The following MAP4K3 variants were observed in gnomAD, a reference collection of about 807,000 sequenced individuals.
MAP4K3 encodes the protein mitogen-activated protein kinase kinase kinase kinase 3.
A neutral mutation model predicts 143.5 loss-of-function variants in MAP4K3; 94 were observed. The observed-to-expected ratio is 0.65, with a 90% CI of 0.55 to 0.78. The LOEUF (loss-of-function observed/expected upper bound fraction) is 0.78, where lower values mean the gene tolerates loss of function less well. MAP4K3 is among the 30% of genes least tolerant of loss of function. The pLI is 0.00. For missense variants in MAP4K3, 1,077 were observed against 1,068.1 expected, an observed-to-expected ratio of 1.01 and a Z score of -0.12; for synonymous variants, 416 against 347.2, an observed-to-expected ratio of 1.20 and a Z score of -2.20.
Position 39,412,365 on chromosome 2 carries a change from G to C in MAP4K3, c.96+24527C>G, listed in dbSNP as rs1453417773. ...AAATATTTACTGACCTTCTATTGTA[G>C]TCCATCTATTACACTAGAAGCTGGA... On this transcript the variant is annotated intron_variant, in intron 1 of 33. Transcript: ENST00000263881. Among the ~76,000 whole-genome samples, 4 of 152,060 alleles carry C rather than the reference G, an allele frequency of 2.6e-5. No individual in the cohort carries two copies. In the East Asian group the frequency reaches 7.7e-4, roughly 29 times the overall value.
intron 15 of MAP4K3, among the ~76,000 whole-genome samples, chr2:39,301,865 A>G (rs1268576153): frequency 6.6e-6 from 1 of 152,056 alleles, no homozygotes; most frequent in Admixed American, 6.5e-5. Context: ...TCTACTAAAA[A>G]TACAAAAGAT....
At chr2:39,272,618 A>C in intron 24 of MAP4K3, 76 bp from the exon 25 acceptor site, 1 of 1,148,660 alleles carries the variant, frequency 8.7e-7, no homozygotes, top group Non-Finnish European at 1.3e-6. Context: ...GTAATCACGT[A>C]AGCTGTCTTA....
chr2:39,312,082 A>G (rs1231658827), intron 13 of MAP4K3, among the ~76,000 whole-genome samples: 1 of 152,182 alleles, frequency 6.6e-6, no homozygotes, highest in African/African-American at 2.4e-5. Context: ...ATGGGAGTTG[A>G]TTTAAAAAAT....
chr2:39,265,575 G>A (rs145395017), intron 27 of MAP4K3, among the ~76,000 whole-genome samples: 87 of 152,244 alleles, frequency 5.7e-4, no homozygotes, highest in Admixed American at 3.7e-3. Flanking sequence ...GTAAGAGGAA[G>A]GACTTTTCGT....
At chr2:39,417,482 T>C (rs1667417537) in intron 1 of MAP4K3, among the ~76,000 whole-genome samples, 1 of 152,036 alleles carries the variant, frequency 6.6e-6, no homozygotes, top group African/African-American at 2.4e-5. Flanking sequence ...TCTCCCAAAG[T>C]GCTGGGATTA....
intron 31 of MAP4K3, among the ~76,000 whole-genome samples, chr2:39,257,227 C>A (rs1373595142): frequency 6.6e-6 from 1 of 152,114 alleles, no homozygotes; most frequent in African/African-American, 2.4e-5. Context: ...ATTCATTTTC[C>A]CAGCACTATC....
At chr2:39,406,066 A>G (rs1389891640) in intron 1 of MAP4K3, among the ~76,000 whole-genome samples, 2 of 152,086 alleles carry the variant, frequency 1.3e-5, no homozygotes, top group African/African-American at 2.4e-5. Flanking sequence ...AGAATCAAGC[A>G]GAAATTCTGC....
At chr2:39,260,919 G>A in intron 28 of MAP4K3, 142 bp from the exon 29 acceptor site, 1 of 598,600 alleles carries the variant, frequency 1.7e-6, no homozygotes, top group South Asian at 2.3e-5. Context: ...CTAAATTATG[G>A]ACTCTCTTTT....
chr2:39,290,084 CAAAAAA>C (rs57058905), intron 19 of MAP4K3, among the ~76,000 whole-genome samples: 4 of 111,944 alleles, frequency 3.6e-5, no homozygotes, highest in African/African-American at 1.1e-4. Flanking sequence ...GAGACTGTCT[CAAAAAA>C]AAAAAAAAAA....
chr2:39,413,315 C>CATTT (rs1558342809), intron 1 of MAP4K3, among the ~76,000 whole-genome samples: 1 of 152,102 alleles, frequency 6.6e-6, no homozygotes, highest in African/African-American at 2.4e-5. Flanking sequence ...GAATCACACA[C>CATTT]ATTTACCTAA....
rs116541128 is a variant in MAP4K3, at chr2:39,305,809, G to A, written c.1119+2134C>T. On this transcript the variant is annotated intron_variant, in intron 15 of 33. Coordinates refer to ENST00000263881, the MANE Select transcript of MAP4K3 (RefSeq NM_003618.4). Reference sequence around the variant, plus strand: ...AGTTACTAGGCTAGTTCCACATGTGGCACAGAAAAGAGTATTTGTAATTTT... The same window carrying A: ...AGTTACTAGGCTAGTTCCACATGTGACACAGAAAAGAGTATTTGTAATTTT... Among the ~76,000 whole-genome samples the A allele has an allele frequency of 2.3e-3, 357 of 152,056 alleles. 3 individuals are homozygous for A. The highest frequency in any genetic ancestry group is 8.4e-3 in the African/African-American group (347 of 41,458).
At chr2:39,302,456 A>T (rs1216192581) in intron 15 of MAP4K3, among the ~76,000 whole-genome samples, 2 of 152,254 alleles carry the variant, frequency 1.3e-5, no homozygotes, top group African/African-American at 4.8e-5. Flanking sequence ...GATAGGGAAA[A>T]TGACAAGAAA....
chr2:39,276,291 T>C (rs1045021125), intron 24 of MAP4K3, among the ~76,000 whole-genome samples: 2 of 152,226 alleles, frequency 1.3e-5, no homozygotes, highest in Non-Finnish European at 2.9e-5. Context: ...TTCAGTATAC[T>C]ATACTCCATC....
intron 16 of MAP4K3, among the ~76,000 whole-genome samples, chr2:39,299,246 A>G (rs1310711424): frequency 2.0e-5 from 3 of 152,284 alleles, no homozygotes; most frequent in African/African-American, 7.2e-5. Flanking sequence ...GAGGCATTAA[A>G]TAACTGTTGA....
At position 39,416,006 on chromosome 2, in the gene MAP4K3, A is replaced by T. The variant is rs556310778; in HGVS notation, c.96+20886T>A. Reference sequence around the variant, plus strand: ...ATATATATATATATATATATATATAAAAATAACATTTGGAAGAATAAATTC... The same window carrying T: ...ATATATATATATATATATATATATATAAATAACATTTGGAAGAATAAATTC... On this transcript the variant is annotated intron_variant, in intron 1 of 33. Transcript: ENST00000263881. Among the ~76,000 whole-genome samples, 711 of 74,208 alleles carry T rather than the reference A, an allele frequency of 9.6e-3. 16 individuals are homozygous for T. Among genetic ancestry groups the T allele is most frequent in the African/African-American group, 0.034 (435 of 12,852 alleles). The allele number at this position is 74,208 out of a possible 152,430, so 48.7% of individuals were successfully genotyped here. A position where few individuals can be genotyped will look rare whatever the true frequency, so the allele number is the denominator to read the frequency against.
chr2:39,311,301 A>C (rs1464406048), intron 13 of MAP4K3, among the ~76,000 whole-genome samples: 1 of 151,952 alleles, frequency 6.6e-6, no homozygotes, highest in East Asian at 1.9e-4. Context: ...CTGGTCTGGA[A>C]CTCCTGACCT....
chr2:39,337,794 AT>A (rs1311678991), intron 4 of MAP4K3, among the ~76,000 whole-genome samples: 1 of 103,776 alleles, frequency 9.6e-6, no homozygotes, highest in Non-Finnish European at 1.8e-5. Context: ...ACAGGGTCTC[AT>A]TATGTCACCC....
At chr2:39,291,022 A>G (rs1248964901) in intron 18 of MAP4K3, among the ~76,000 whole-genome samples, 1 of 152,096 alleles carries the variant, frequency 6.6e-6, no homozygotes, top group Non-Finnish European at 1.5e-5. Context: ...CTGAGATCAC[A>G]CCACTGCACT....
intron 1 of MAP4K3, among the ~76,000 whole-genome samples, chr2:39,382,819 T>C (rs1666387966): frequency 6.6e-6 from 1 of 152,214 alleles, no homozygotes; most frequent in African/African-American, 2.4e-5. Context: ...TACTGACTTT[T>C]AGAAAATGTA....
Sources: allele counts gnomAD v4.1 joint callset (sites outside exome capture counted in the v4.1 genomes callset), GRCh38; gene constraint gnomAD v4.1.1; transcripts MANE v1.5; gene names NCBI Gene and HGNC (gene_info 2026-07-23, HGNC 2026-07-21).